ALMS1: variants seen among roughly 807,000 people sequenced by gnomAD.
The protein encoded by ALMS1 is centrosome-associated protein ALMS1.
In ALMS1, 271 loss-of-function variants were observed where a neutral mutation model predicts 352.2. The ratio of observed to expected loss-of-function variants is 0.77; its 90% CI spans 0.70 to 0.85. The LOEUF is 0.85. Ranked by LOEUF, ALMS1 falls within the 40% of genes least tolerant of loss-of-function variation. The pLI, the probability that ALMS1 is intolerant of heterozygous loss-of-function variation, is 0.00. For synonymous variants in ALMS1, 1,865 were observed against 1,761.2 expected (o/e 1.06, Z -1.48); for missense variants, 5,445 against 4,870.7 (o/e 1.12, Z -3.51).
At chr2:73,456,714 C>T (rs374611770) in intron 9 of ALMS1, 7 of 152,108 alleles carry the variant, frequency 4.6e-5, no homozygotes, top group East Asian at 1.9e-4. Flanking sequence ...TTAGGTTTTA[C>T]GTATATGCTT....
rs758270382 is a variant in ALMS1, at chr2:73,559,072, C to T, written c.10314C>T (p.Ile3438=). ...DTKAITQKEE[I]HRKKTVPEEA... is the part of the protein sequence containing the mutation. ...AAGCCATTACACAGAAAGAGGAGAT[C>T]CATAGGAAGAAGACAGTTCCCGAGG... is the stretch of plus-strand genomic sequence containing the variant. The change falls in exon 15 of 23, where the codon ATC becomes ATT. Residue 3438 remains isoleucine (I), a synonymous_variant. Transcript: ENST00000613296. 3.7e-6 allele frequency: 6 copies of T among 1,613,914 alleles called. 1 individual carries two copies. In the South Asian group the frequency reaches 6.6e-5, roughly 18 times the overall value.
rs777171271 is a variant in ALMS1, at chr2:73,490,169, C to T, written c.8210C>T (p.Thr2737Ile). ...TCCTCTGTTGTTAAGGTTGGTGTTA[C>T]TGAAGGTAGCCAGTGTACTGGAGCA... ...SNSSVVKVGV[T>I]EGSQCTGASV... Residue 2737 changes from threonine (T) to isoleucine (I), a missense_variant, in exon 10 of 23, where the codon ACT becomes ATT. Transcript: ENST00000613296. The T allele has an allele frequency of 1.3e-5, 21 of 1,614,142 alleles. No individual in the cohort carries two copies. In the South Asian group the frequency reaches 2.2e-4, roughly 17 times the overall value.
chr2:73,579,521 C>T (rs1411944586), intron 16 of ALMS1, among the ~76,000 whole-genome samples: 1 of 151,270 alleles, frequency 6.6e-6, no homozygotes, highest in Non-Finnish European at 1.5e-5. Context: ...CCACCACACC[C>T]AGCTAATTTT....
intron 14 of ALMS1, among the ~76,000 whole-genome samples, chr2:73,558,319 G>A (rs556384983): frequency 3.3e-4 from 51 of 152,256 alleles, no homozygotes; most frequent in South Asian, 1.0e-3. Flanking sequence ...TTTAGGTATT[G>A]CTTGTTTAAA....
intron 10 of ALMS1, among the ~76,000 whole-genome samples, chr2:73,505,216 T>C (rs1673296468): frequency 6.6e-6 from 1 of 152,232 alleles, no homozygotes. Context: ...TAGAATGATT[T>C]ATAATCGTTG....
At chr2:73,517,397 G>A (rs1244567954) in intron 10 of ALMS1, among the ~76,000 whole-genome samples, 3 of 151,268 alleles carry the variant, frequency 2.0e-5, no homozygotes, top group Non-Finnish European at 1.5e-5. Flanking sequence ...GGGACTATAG[G>A]CGCATGCCAC....
At position 73,399,936 on chromosome 2, in the gene ALMS1, G is replaced by GTT. The variant is rs1382540969; in HGVS notation, c.325-8668_325-8667dup. 8.6e-3 allele frequency among the ~76,000 whole-genome samples: 1,026 copies of GTT among 119,086 alleles called. 32 individuals carry two copies. The highest frequency in any genetic ancestry group is 0.029 in the African/African-American group (903 of 31,156). The allele number at this position is 119,086 out of a possible 152,430, so 78.1% of individuals were successfully genotyped here. ...GTCAACATGATGGATTATATTAATT[G>GTT]TTTTTTTTTTTTTTTTTTTGAGACA... On this transcript the variant is annotated intron_variant, in intron 1 of 22. Transcript: ENST00000613296.
At chr2:73,407,549 A>G (rs1418886809) in intron 1 of ALMS1, among the ~76,000 whole-genome samples, 1 of 152,238 alleles carries the variant, frequency 6.6e-6, no homozygotes, top group Non-Finnish European at 1.5e-5. Context: ...TACCTTTACC[A>G]GAGAACTTTA....
At chr2:73,422,437 G>A (rs1244408038) in intron 3 of ALMS1, among the ~76,000 whole-genome samples, 1 of 152,204 alleles carries the variant, frequency 6.6e-6, no homozygotes, top group Non-Finnish European at 1.5e-5. Flanking sequence ...TTGACATAAC[G>A]GGTGTAGTCT....
At chr2:73,406,604 A>G (rs1670978464) in intron 1 of ALMS1, among the ~76,000 whole-genome samples, 1 of 152,090 alleles carries the variant, frequency 6.6e-6, no homozygotes. Context: ...TACCATGAGA[A>G]TATCATAAAA....
chr2:73,589,392 G>C (rs1265488460), intron 16 of ALMS1, among the ~76,000 whole-genome samples: 1 of 152,150 alleles, frequency 6.6e-6, no homozygotes, highest in Non-Finnish European at 1.5e-5. Context: ...TCATGATAAA[G>C]TACAGTTTTC....
At chr2:73,395,028 GTATATATA>G (rs1396563153) in intron 1 of ALMS1, among the ~76,000 whole-genome samples, 1 of 130,446 alleles carries the variant, frequency 7.7e-6, no homozygotes, top group African/African-American at 2.8e-5. Context: ...ATATATATGT[GTATATATA>G]TGTGTGTGTA....
rs767536480 is a variant in ALMS1, at chr2:73,546,348, TTTTG to T, written c.9908-3903_9908-3900del. On this transcript the variant is annotated intron_variant, in intron 12 of 22. Transcript: ENST00000613296. ...TGAATTTTCTACAATGATCAGGTTG[TTTTG>T]TTTGTTTGTTTGTTTTTAATGATGG... 1.2e-4 allele frequency among the ~76,000 whole-genome samples: 18 copies of T among 152,324 alleles called. No individual in the cohort carries two copies. In the East Asian group the frequency reaches 1.3e-3, roughly 11 times the overall value.
Position 73,419,319 on chromosome 2 carries a change from G to A in ALMS1, c.646+1G>A. 3 of 1,613,012 alleles carry A rather than the reference G, an allele frequency of 1.9e-6. No homozygotes were observed. The highest frequency in any genetic ancestry group is 2.5e-6 in the Non-Finnish European group (3 of 1,179,018). ...GATCTCTTCTGTTCTCCACTGCTAG[G>A]TAATGCCTGTTTATTTTAACTAGTA... On this transcript the variant is annotated splice_donor_variant, in intron 3 of 22. Transcript: ENST00000613296. LOFTEE classifies it high-confidence loss of function.
intron 9 of ALMS1, among the ~76,000 whole-genome samples, chr2:73,484,544 TA>T (rs1435310651): frequency 4.0e-5 from 6 of 151,472 alleles, no homozygotes; most frequent in Non-Finnish European, 8.8e-5. Context: ...ATCTGACAAT[TA>T]ATGTGTCTTG....
intron 16 of ALMS1, among the ~76,000 whole-genome samples, chr2:73,574,370 G>A (rs1183422254): frequency 1.3e-5 from 2 of 152,102 alleles, no homozygotes; most frequent in African/African-American, 2.4e-5. Context: ...GTTCAGTGGA[G>A]TATGGAACGA....
intron 1 of ALMS1, among the ~76,000 whole-genome samples, chr2:73,386,852 C>A (rs1002760656): frequency 2.6e-5 from 4 of 152,164 alleles, no homozygotes; most frequent in Admixed American, 6.5e-5. Flanking sequence ...GAAAATAACT[C>A]TCCATTTAAT....
rs775731258 is a variant in ALMS1 at position 73,452,444 on chromosome 2, C to A, written c.5917C>A (p.Pro1973Thr). 2 of 1,614,020 alleles carry A rather than the reference C, an allele frequency of 1.2e-6. No homozygotes were observed. The highest frequency in any genetic ancestry group is 2.2e-5 in the South Asian group (2 of 91,072). The change falls in exon 8 of 23, where the codon CCA becomes ACA. Residue 1973 changes from proline to threonine, a missense_variant. By Grantham distance (38) the Pro-to-Thr change is conservative. Transcript: ENST00000613296. ...EALKVSPVSI[P>T]AEQKTGIPIG... ...TCTGAAAGTTTCACCTGTTTCTATA[C>A]CAGCAGAGCAGAAGACTGGGATACC...
chr2:73,604,108 A>G (rs974768578), intron 21 of ALMS1: 2 of 152,250 alleles, frequency 1.3e-5, no homozygotes, highest in African/African-American at 4.8e-5. Context: ...TTATATGCAT[A>G]GAATATTTCT....
Sources: gnomAD v4.1 joint callset for allele counts (sites outside exome capture counted in the v4.1 genomes callset) on GRCh38, gnomAD v4.1.1 for gene constraint, MANE v1.5 for transcripts, NCBI Gene and HGNC (gene_info 2026-07-23, HGNC 2026-07-21) for gene names.